The following MTUS2 variants were observed in gnomAD, a reference collection of about 807,000 sequenced individuals.
MTUS2 encodes microtubule-associated tumor suppressor candidate 2.
MTUS2 carries 40 observed loss-of-function variants against 114.1 expected under a neutral mutation model. The ratio of observed to expected loss-of-function variants is 0.35; its 90% CI spans 0.27 to 0.46. MTUS2 has a LOEUF of 0.46. MTUS2 is among the 20% of genes least tolerant of loss of function. The pLI, the probability that MTUS2 is intolerant of heterozygous loss-of-function variation, is 1.00. For synonymous variants in MTUS2, 688 were observed against 672.0 expected, an observed-to-expected ratio of 1.02 and a Z score of -0.37; for missense variants, 1,679 against 1,705.4, an observed-to-expected ratio of 0.98 and a Z score of 0.27.
chr13:29,348,091 A>G (rs1015467298), intron 7 of MTUS2, among the ~76,000 whole-genome samples: 1 of 152,084 alleles, frequency 6.6e-6, no homozygotes, highest in Non-Finnish European at 1.5e-5. Flanking sequence ...TCACATAGAC[A>G]TGACTGATTC....
chr13:29,197,891 A>C (rs916088018), intron 5 of MTUS2, among the ~76,000 whole-genome samples: 1 of 152,104 alleles, frequency 6.6e-6, no homozygotes, highest in Non-Finnish European at 1.5e-5. Context: ...TCCTTTGCCC[A>C]TTTTTGATGG....
intron 8 of MTUS2, among the ~76,000 whole-genome samples, chr13:29,425,267 C>T (rs1390431420): frequency 6.6e-6 from 1 of 151,908 alleles, no homozygotes; most frequent in Non-Finnish European, 1.5e-5. Context: ...ACAAGAATTA[C>T]CTGGGCGTGA....
chr13:29,150,620 G>T (rs1892626080), intron 5 of MTUS2, among the ~76,000 whole-genome samples: 1 of 152,086 alleles, frequency 6.6e-6, no homozygotes, highest in South Asian at 2.1e-4. Flanking sequence ...GCCAAAGCTG[G>T]TGTCCAGAAG....
rs1883008470 is a variant in MTUS2 at position 29,503,057 on chromosome 13, A to C, written c.3961A>C (p.Arg1321=). ...YVEKETQEKK[R]LSRTNEELLW... ...TGAGAAGGAAACCCAGGAGAAGAAG[A>C]GATTGAGCCGAACCAATGAAGAGCT... The change falls in exon 16 of 16, where the codon AGA becomes CGA. Residue 1321 remains arginine (R), a synonymous_variant. Transcript: ENST00000612955. 12 of 1,614,126 alleles carry C rather than the reference A, an allele frequency of 7.4e-6. No homozygotes were observed. The highest frequency in any genetic ancestry group is 9.3e-6 in the Non-Finnish European group (11 of 1,180,044).
At chr13:29,402,568 A>C (rs1383721589) in intron 8 of MTUS2, among the ~76,000 whole-genome samples, 1 of 152,130 alleles carries the variant, frequency 6.6e-6, no homozygotes, top group Non-Finnish European at 1.5e-5. Flanking sequence ...CAGGGGTGGG[A>C]AGCAAGGAAC....
At chr13:29,106,155 C>T (rs1357441760) in intron 5 of MTUS2, among the ~76,000 whole-genome samples, 1 of 152,186 alleles carries the variant, frequency 6.6e-6, no homozygotes, top group Non-Finnish European at 1.5e-5. Context: ...TCCGATGTCC[C>T]TCTAGAACTA....
chr13:28,993,895 T>C (rs920941541), intron 2 of MTUS2, among the ~76,000 whole-genome samples: 2 of 151,864 alleles, frequency 1.3e-5, no homozygotes, highest in African/African-American at 4.8e-5. Context: ...TAATGTTTAT[T>C]TTTATTTTTA....
At chr13:28,945,830 C>T (rs968009502) in intron 2 of MTUS2, among the ~76,000 whole-genome samples, 1 of 151,936 alleles carries the variant, frequency 6.6e-6, no homozygotes, top group South Asian at 2.1e-4. Flanking sequence ...AGTGTGAGTC[C>T]CATTTTTCTA....
At chr13:29,326,934 CA>C (rs1900542638) in intron 7 of MTUS2, among the ~76,000 whole-genome samples, 1 of 152,080 alleles carries the variant, frequency 6.6e-6, no homozygotes, top group South Asian at 2.1e-4. Context: ...GAGCCAAGGT[CA>C]CGCCACTACA....
intron 9 of MTUS2, among the ~76,000 whole-genome samples, chr13:29,472,556 G>A (rs951638124): frequency 3.9e-5 from 6 of 152,126 alleles, no homozygotes; most frequent in Non-Finnish European, 7.4e-5. Flanking sequence ...GCATAGCTCC[G>A]CCTGGTGGTC....
At chr13:29,190,039 C>A (rs1894383795) in intron 5 of MTUS2, among the ~76,000 whole-genome samples, 1 of 152,172 alleles carries the variant, frequency 6.6e-6, no homozygotes, top group Admixed American at 6.5e-5. Context: ...GATGGCTAGG[C>A]TGTCTGCCAG....
intron 9 of MTUS2, among the ~76,000 whole-genome samples, chr13:29,459,246 A>G (rs1221018821): frequency 6.6e-6 from 1 of 152,180 alleles, no homozygotes; most frequent in Non-Finnish European, 1.5e-5. Context: ...GGGGTATTTA[A>G]AAGTTGAACC....
At chr13:29,291,713 C>T (rs1898724015) in intron 6 of MTUS2, among the ~76,000 whole-genome samples, 1 of 152,164 alleles carries the variant, frequency 6.6e-6, no homozygotes, top group African/African-American at 2.4e-5. Context: ...TATCAGGAGA[C>T]TAAGATCCAT....
chr13:29,096,904 C>T (rs1197880740), intron 4 of MTUS2, among the ~76,000 whole-genome samples: 1 of 152,082 alleles, frequency 6.6e-6, no homozygotes, highest in Non-Finnish European at 1.5e-5. Flanking sequence ...GTGATTGGGG[C>T]CCCAGTATTG....
intron 2 of MTUS2, among the ~76,000 whole-genome samples, chr13:28,963,773 A>G (rs560856816): frequency 1.2e-4 from 19 of 152,066 alleles, no homozygotes; most frequent in Admixed American, 4.6e-4. Context: ...GCTCTTGTCA[A>G]CTTTACCAGA....
intron 5 of MTUS2, among the ~76,000 whole-genome samples, chr13:29,114,257 G>A (rs1269089588): frequency 6.6e-6 from 1 of 151,984 alleles, no homozygotes; most frequent in African/African-American, 2.4e-5. Flanking sequence ...AAGATCTCAC[G>A]TTTTCACTTT....
Position 28,974,731 on chromosome 13 carries a change from G to C in MTUS2, c.-242-49726G>C, listed in dbSNP as rs564933855. Among the ~76,000 whole-genome samples, 4 of 152,180 alleles carry C rather than the reference G, an allele frequency of 2.6e-5. No individual in the cohort carries two copies. The South Asian group carries it at 8.3e-4, about 32-fold the overall frequency. The stretch of plus-strand genomic sequence containing the variant: ...AACATACTTGCTGTTTACCAGTTTT[G>C]TGTTATTTTCTCGGGGCTAATAGTA... On this transcript the variant is annotated intron_variant, in intron 2 of 15. Coordinates refer to ENST00000612955, the MANE Select transcript of MTUS2 (RefSeq NM_001033602.4).
At chr13:29,269,414 A>G (rs555495271) in intron 5 of MTUS2, among the ~76,000 whole-genome samples, 6 of 152,356 alleles carry the variant, frequency 3.9e-5, no homozygotes, top group Non-Finnish European at 7.3e-5. Context: ...AAAAAAATAG[A>G]TAAGGAAATC....
intron 5 of MTUS2, among the ~76,000 whole-genome samples, chr13:29,125,190 A>T (rs571950776): frequency 7.5e-4 from 114 of 152,362 alleles, no homozygotes; most frequent in African/African-American, 2.7e-3. Context: ...GTGGGCTAAA[A>T]TGTCACTTTG....
Sources: allele counts gnomAD v4.1 joint callset (sites outside exome capture counted in the v4.1 genomes callset), GRCh38; gene constraint gnomAD v4.1.1; transcripts MANE v1.5; gene names NCBI Gene and HGNC (gene_info 2026-07-23, HGNC 2026-07-21).